The following THSD7B variants were observed in gnomAD, a reference collection of about 807,000 sequenced individuals.
THSD7B encodes the protein thrombospondin type-1 domain-containing protein 7B.
In THSD7B, 138 loss-of-function variants were observed where a neutral mutation model predicts 213.6. The ratio of observed to expected loss-of-function variants is 0.65; its 90% CI spans 0.56 to 0.74. The LOEUF is 0.74. Among genes scored for constraint, THSD7B ranks in the 30% least tolerant of loss-of-function variants. The probability of loss-of-function intolerance (pLI) is 0.00; values close to 1 mark genes in which losing one functional copy is unlikely to be tolerated. For synonymous variants in THSD7B, 742 were observed against 687.0 expected (o/e 1.08, Z -1.25); for missense variants, 1,931 against 1,991.5 (o/e 0.97, Z 0.58).
chr2:137,231,783 A>T (rs568736660), intron 8 of THSD7B, among the ~76,000 whole-genome samples: 1 of 152,258 alleles, frequency 6.6e-6, no homozygotes, highest in South Asian at 2.1e-4. Flanking sequence ...TGAGAATATA[A>T]GTGGGTGACG....
chr2:137,654,304 C>A lies in THSD7B; in HGVS notation c.3946-1197C>A, dbSNP rs77231751. ...GATCTGTGAAACCAACCTCCTACAG[C>A]GTGGTACTGCTGAACAGCCACTTTG... On this transcript the variant is annotated intron_variant, in intron 21 of 27. Coordinates refer to ENST00000409968, the MANE Select transcript of THSD7B (RefSeq NM_001316349.2). Among the ~76,000 whole-genome samples the A allele has an allele frequency of 9.4e-3, 1,431 of 152,268 alleles. 27 individuals carry two copies. Among genetic ancestry groups the A allele is most frequent in the African/African-American group, 0.033 (1,366 of 41,556 alleles).
chr2:136,940,980 T>A (rs1684817355), intron 2 of THSD7B, among the ~76,000 whole-genome samples: 1 of 151,898 alleles, frequency 6.6e-6, no homozygotes. Context: ...ACATTGGGTA[T>A]TTCTCCTAAT....
chr2:137,398,791 G>C (rs917670087), intron 12 of THSD7B, among the ~76,000 whole-genome samples: 4 of 152,206 alleles, frequency 2.6e-5, no homozygotes, highest in African/African-American at 9.7e-5. Context: ...TTTGATCTCA[G>C]ACTGCTGTGC....
At chr2:136,831,278 T>A (rs929235670) in intron 1 of THSD7B, among the ~76,000 whole-genome samples, 3 of 152,178 alleles carry the variant, frequency 2.0e-5, no homozygotes, top group Admixed American at 6.6e-5. Context: ...ATAACATACA[T>A]ATTTAGTACT....
intron 12 of THSD7B, among the ~76,000 whole-genome samples, chr2:137,378,938 GT>G (rs1685718326): frequency 6.6e-6 from 1 of 152,068 alleles, no homozygotes; most frequent in Non-Finnish European, 1.5e-5. Flanking sequence ...TTTATGAATT[GT>G]TTGTGATTTT....
chr2:137,496,484 C>CG (rs1426893155), intron 15 of THSD7B, among the ~76,000 whole-genome samples: 3 of 152,018 alleles, frequency 2.0e-5, no homozygotes, highest in Admixed American at 6.6e-5. Flanking sequence ...GTTTTGTGTG[C>CG]ATTTTTTTAG....
chr2:137,663,487 T>C lies in THSD7B; in HGVS notation c.4563T>C (p.Asp1521=), dbSNP rs761255375. ...CAGGCTCAGAGGATAAAAAAGCTGA[T>C]GTGAAAAACCTTTCTGGGAAAAACA... ...KVPGSEDKKA[D]VKNLSGKNRP... is the part of the protein sequence containing the mutation. Residue 1521 remains aspartate (D), a synonymous_variant, in exon 26 of 28, where the codon GAT becomes GAC. Coordinates refer to ENST00000409968, the MANE Select transcript of THSD7B (RefSeq NM_001316349.2). 8.7e-6 allele frequency: 14 copies of C among 1,604,478 alleles called. No homozygotes were observed. The highest frequency in any genetic ancestry group is 1.7e-5 in the Admixed American group (1 of 58,818).
intron 12 of THSD7B, among the ~76,000 whole-genome samples, chr2:137,369,891 G>C (rs1219811747): frequency 1.3e-5 from 2 of 152,082 alleles, no homozygotes; most frequent in Non-Finnish European, 2.9e-5. Context: ...ACTTTGCAAT[G>C]CTTAATAGAG....
At chr2:137,416,786 A>C (rs1686808575) in intron 14 of THSD7B, among the ~76,000 whole-genome samples, 4 of 152,280 alleles carry the variant, frequency 2.6e-5, no homozygotes. Flanking sequence ...CAAAGAGCAC[A>C]GAAAACCTTG....
In THSD7B at chr2:137,060,910, T is replaced by C. The variant is rs189382748; in HGVS notation, c.950+3680T>C. ...ATAACTTCCAAGATTTTGATTGGGA[T>C]TGCATGTAATGGAAGATCAATTTGG... On this transcript the variant is annotated intron_variant, in intron 3 of 27. Coordinates refer to ENST00000409968, the MANE Select transcript of THSD7B (RefSeq NM_001316349.2). Among the ~76,000 whole-genome samples the C allele has an allele frequency of 3.3e-5, 5 of 151,992 alleles. No individual in the cohort carries two copies. The East Asian group carries it at 7.7e-4, about 23-fold the overall frequency.
At chr2:136,983,503 T>TTA (rs1491546123) in intron 2 of THSD7B, among the ~76,000 whole-genome samples, 38 of 77,162 alleles carry the variant, frequency 4.9e-4, no homozygotes, top group East Asian at 1.1e-3. Flanking sequence ...GTAAAATCTG[T>TTA]TTTTTTTTTT....
rs5834534 is a variant in THSD7B, at chr2:137,132,368, A to AT, written c.1369+17088dup. ...TCCTCTTTTCCTAAAAGGGTATTCA[A>AT]TTTTTTTTTTTTTAAAGAAGCTATG... On this transcript the variant is annotated intron_variant, in intron 5 of 27. Coordinates refer to ENST00000409968, the MANE Select transcript of THSD7B (RefSeq NM_001316349.2). Among the ~76,000 whole-genome samples the AT allele has an allele frequency of 2.2e-3, 330 of 148,958 alleles. 1 individual carries two copies. Among genetic ancestry groups the AT allele is most frequent in the Admixed American group, 4.6e-3 (68 of 14,930 alleles).
chr2:137,165,471 G>A (rs1055867587), intron 6 of THSD7B, among the ~76,000 whole-genome samples: 1 of 152,074 alleles, frequency 6.6e-6, no homozygotes, highest in African/African-American at 2.4e-5. Flanking sequence ...CTACTGACTT[G>A]TGTGTATTAG....
intron 2 of THSD7B, among the ~76,000 whole-genome samples, chr2:136,930,353 T>G (rs1684606220): frequency 6.6e-6 from 1 of 152,150 alleles, no homozygotes; most frequent in South Asian, 2.1e-4. Context: ...AGAATAACTG[T>G]GGCATGATCA....
At chr2:137,658,357 C>T (rs1039587592) in intron 24 of THSD7B, among the ~76,000 whole-genome samples, 1 of 152,150 alleles carries the variant, frequency 6.6e-6, no homozygotes, top group Non-Finnish European at 1.5e-5. Flanking sequence ...ATTCTCTGCA[C>T]GGAATTCCTC....
At chr2:136,821,876 A>C (rs911814458) in intron 1 of THSD7B, among the ~76,000 whole-genome samples, 1 of 152,342 alleles carries the variant, frequency 6.6e-6, no homozygotes, top group African/African-American at 2.4e-5. Context: ...TGCAAACTTT[A>C]GAAACACAGA....
At chr2:137,318,773 T>C (rs1026952505) in intron 12 of THSD7B, among the ~76,000 whole-genome samples, 12 of 146,330 alleles carry the variant, frequency 8.2e-5, no homozygotes, top group African/African-American at 2.8e-4. Flanking sequence ...AACTCTAAAA[T>C]AGGAATGCTT....
intron 2 of THSD7B, among the ~76,000 whole-genome samples, chr2:136,935,393 GA>G (rs542492444): frequency 2.0e-5 from 3 of 152,118 alleles, no homozygotes; most frequent in Admixed American, 6.5e-5. Context: ...TCAAAGAGGA[GA>G]CTCTATAGAA....
intron 12 of THSD7B, among the ~76,000 whole-genome samples, chr2:137,307,409 C>T (rs1319358302): frequency 6.6e-6 from 1 of 152,064 alleles, no homozygotes; most frequent in African/African-American, 2.4e-5. Context: ...ACACCAAACT[C>T]TCTAGGAACA....
Sources: allele counts gnomAD v4.1 joint callset (sites outside exome capture counted in the v4.1 genomes callset), GRCh38; gene constraint gnomAD v4.1.1; transcripts MANE v1.5; gene names NCBI Gene and HGNC (gene_info 2026-07-23, HGNC 2026-07-21).